The following PKIB variants were observed in gnomAD, a reference collection of about 807,000 sequenced individuals.
The protein encoded by PKIB is PKI-beta.
Under a neutral mutation model 4.5 loss-of-function variants are expected in PKIB, and 2 were observed. The observed-to-expected ratio is 0.44, with a 90% CI of 0.18 to 1.39. The LOEUF (loss-of-function observed/expected upper bound fraction) is 1.39, where lower values mean the gene tolerates loss of function less well. PKIB is among the 40% of genes most tolerant of loss of function. The pLI is 0.27. For missense variants in PKIB, 94 were observed against 92.6 expected (o/e 1.02, Z -0.06); for synonymous variants, 38 against 36.0 (o/e 1.06, Z -0.20).
intron 3 of PKIB, among the ~76,000 whole-genome samples, chr6:122,712,325 A>G (rs972892851): frequency 3.3e-5 from 5 of 152,194 alleles, no homozygotes; most frequent in Non-Finnish European, 7.3e-5. Context: ...ATGAATAAAT[A>G]ATGATCTGTT....
intron 2 of PKIB, among the ~76,000 whole-genome samples, chr6:122,524,287 T>C (rs1158347665): frequency 1.4e-5 from 2 of 145,062 alleles, no homozygotes; most frequent in African/African-American, 5.2e-5. Context: ...TGTTCTTCCT[T>C]CTCCTCCTCA....
At chr6:122,587,563 A>G (rs1448403487) in intron 3 of PKIB, among the ~76,000 whole-genome samples, 1 of 152,166 alleles carries the variant, frequency 6.6e-6, no homozygotes, top group Non-Finnish European at 1.5e-5. Context: ...GGCTGGGTCG[A>G]ATGGTATTTC....
intron 3 of PKIB, among the ~76,000 whole-genome samples, chr6:122,588,854 C>T (rs1773931233): frequency 6.6e-6 from 1 of 152,082 alleles, no homozygotes; most frequent in Admixed American, 6.6e-5. Context: ...GACAAAGAAA[C>T]AGAAACTTGG....
intron 2 of PKIB, among the ~76,000 whole-genome samples, chr6:122,501,907 G>C (rs945936390): frequency 2.1e-5 from 3 of 146,074 alleles, no homozygotes; most frequent in Non-Finnish European, 3.0e-5. Flanking sequence ...ATAAGCATAG[G>C]CTTTTAGAAG....
chr6:122,714,817 T>C (rs2115063928), intron 3 of PKIB, among the ~76,000 whole-genome samples: 1 of 152,314 alleles, frequency 6.6e-6, no homozygotes, highest in South Asian at 2.1e-4. Flanking sequence ...CGTCTTGCTC[T>C]ATCACCCAGG....
chr6:122,599,119 T>G (rs1458119270), intron 3 of PKIB, among the ~76,000 whole-genome samples: 3 of 152,136 alleles, frequency 2.0e-5, no homozygotes, highest in African/African-American at 7.2e-5. Context: ...CTGAGGAGAA[T>G]CAACATTATC....
At chr6:122,641,243 T>C (rs1776109182) in intron 2 of PKIB, among the ~76,000 whole-genome samples, 1 of 152,172 alleles carries the variant, frequency 6.6e-6, no homozygotes, top group South Asian at 2.1e-4. Flanking sequence ...GAAATATATG[T>C]AGATATATAT....
At chr6:122,472,026 C>A (rs1169487561) in exon 1 of PKIB, 2 of 595,398 alleles carry the variant, frequency 3.4e-6, no homozygotes, top group Non-Finnish European at 5.4e-6. Flanking sequence ...CCGTAGTTTG[C>A]CAAATTAAGA....
intron 2 of PKIB, among the ~76,000 whole-genome samples, chr6:122,509,360 T>C (rs944996078): frequency 6.6e-6 from 1 of 152,208 alleles, no homozygotes; most frequent in Non-Finnish European, 1.5e-5. Flanking sequence ...TTTTATGTAT[T>C]GGAACTACAA....
chr6:122,498,501 C>G (rs1204314054), intron 2 of PKIB, among the ~76,000 whole-genome samples: 2 of 152,094 alleles, frequency 1.3e-5, no homozygotes, highest in African/African-American at 4.8e-5. Flanking sequence ...AAAAATAAGG[C>G]AGGAATAAAA....
chr6:122,640,158 A>G (rs963786423), intron 2 of PKIB, among the ~76,000 whole-genome samples: 1 of 152,208 alleles, frequency 6.6e-6, no homozygotes, highest in African/African-American at 2.4e-5. Flanking sequence ...TGGACACTCA[A>G]TAGATGGTAC....
chr6:122,510,068 A>G (rs12664892), intron 2 of PKIB, among the ~76,000 whole-genome samples: 9,213 of 152,082 alleles, frequency 0.061, 984 homozygotes, highest in East Asian at 0.29. Context: ...TCTTCTAACA[A>G]TTTTTGAAAA....
At chr6:122,692,509 T>C (rs1196249051) in intron 3 of PKIB, among the ~76,000 whole-genome samples, 2 of 152,112 alleles carry the variant, frequency 1.3e-5, no homozygotes, top group Non-Finnish European at 2.9e-5. Flanking sequence ...CATTGCTTAT[T>C]TTCACTACTT....
At chr6:122,588,152 T>A (rs1187397114) in intron 3 of PKIB, among the ~76,000 whole-genome samples, 3 of 152,182 alleles carry the variant, frequency 2.0e-5, no homozygotes, top group Non-Finnish European at 4.4e-5. Context: ...TTTTTATGGT[T>A]TTAGGGCTGA....
At chr6:122,676,000 G>A (rs969756820) in intron 3 of PKIB, among the ~76,000 whole-genome samples, 1 of 151,822 alleles carries the variant, frequency 6.6e-6, no homozygotes, top group African/African-American at 2.4e-5. Context: ...GATAAGGGAC[G>A]GTTTTGGGAT....
At chr6:122,553,752 G>A (rs1772759535) in intron 2 of PKIB, among the ~76,000 whole-genome samples, 1 of 151,946 alleles carries the variant, frequency 6.6e-6, no homozygotes, top group Non-Finnish European at 1.5e-5. Context: ...ATAGAGAATT[G>A]AACAATGAAT....
chr6:122,556,936 G>A (rs1443069555), intron 2 of PKIB, among the ~76,000 whole-genome samples: 2 of 152,224 alleles, frequency 1.3e-5, no homozygotes, highest in African/African-American at 2.4e-5. Flanking sequence ...AGGCTCAGCC[G>A]GGCGTGGTGG....
intron 3 of PKIB, among the ~76,000 whole-genome samples, chr6:122,594,988 T>A (rs576869760): frequency 6.6e-6 from 1 of 152,326 alleles, no homozygotes; most frequent in Non-Finnish European, 1.5e-5. Flanking sequence ...CAGGTGGCAA[T>A]CTTAACTTCC....
At chr6:122,695,487 T>C (rs986940885) in intron 3 of PKIB, among the ~76,000 whole-genome samples, 13 of 152,286 alleles carry the variant, frequency 8.5e-5, no homozygotes, top group African/African-American at 3.1e-4. Context: ...GATTCAAAAA[T>C]GAATTAAAGT....
Sources: allele counts gnomAD v4.1 joint callset (sites outside exome capture counted in the v4.1 genomes callset), GRCh38; gene constraint gnomAD v4.1.1; transcripts MANE v1.5; gene names NCBI Gene and HGNC (gene_info 2026-07-23, HGNC 2026-07-21).